CALHM4: variants seen among roughly 807,000 people sequenced by gnomAD.
The protein encoded by CALHM4 is calcium homeostasis modulator protein 4.
In CALHM4, 16 loss-of-function variants were observed where a neutral mutation model predicts 13.3. That is an observed-to-expected ratio of 1.20 (90% CI 0.81 to 1.82). The LOEUF (loss-of-function observed/expected upper bound fraction) is 1.82, where lower values mean the gene tolerates loss of function less well. Among genes scored for constraint, CALHM4 ranks in the 40% most tolerant of loss-of-function variants. The pLI is 0.00. For missense variants in CALHM4, 344 were observed against 374.9 expected (o/e 0.92, Z 0.68); for synonymous variants, 127 against 137.1 (o/e 0.93, Z 0.52).
upstream of CALHM4, among the ~76,000 whole-genome samples, chr6:116,550,928 C>G (rs1267239122): frequency 6.6e-6 from 1 of 152,128 alleles, no homozygotes; most frequent in Non-Finnish European, 1.5e-5. Context: ...GAACCACTTC[C>G]TTATCTAATT....
In CALHM4 at chr6:116,558,497, T is replaced by A. The variant is rs920180755; in HGVS notation, c.*286T>A. 5 of 327,756 alleles carry A rather than the reference T, an allele frequency of 1.5e-5. No individual in the cohort carries two copies. In the East Asian group the frequency reaches 3.1e-4, roughly 20 times the overall value. The allele number at this position is 327,756 out of a possible 1,614,324, so 20.3% of individuals were successfully genotyped here. A position where few individuals can be genotyped will look rare whatever the true frequency, so the allele number is the denominator to read the frequency against. On this transcript the variant is annotated 3_prime_UTR_variant, in exon 2 of 2. Transcript: ENST00000368596. ...CTTAGTAGCTGTGTGAAAATTAATATTTCTGAGTGCCATTTTGTCATCTGC... is the reference window on the plus strand; with the variant it reads ...CTTAGTAGCTGTGTGAAAATTAATAATTCTGAGTGCCATTTTGTCATCTGC...
At chr6:116,555,114 G>A (rs1774252988) in intron 1 of CALHM4, among the ~76,000 whole-genome samples, 1 of 152,138 alleles carries the variant, frequency 6.6e-6, no homozygotes, top group Non-Finnish European at 1.5e-5. Flanking sequence ...TAACCTTAGA[G>A]TTATTACATT....
intron 1 of CALHM4, among the ~76,000 whole-genome samples, chr6:116,542,051 G>A (rs1438280013): frequency 2.0e-5 from 3 of 152,104 alleles, no homozygotes; most frequent in East Asian, 1.9e-4. Context: ...AGTCAAATAA[G>A]TGAGCTTTTT....
At chr6:116,529,606 T>C (rs146632989) in intron 1 of CALHM4, among the ~76,000 whole-genome samples, 155 of 152,216 alleles carry the variant, frequency 1.0e-3, no homozygotes, top group Non-Finnish European at 2.0e-3. Flanking sequence ...CAGAACCCCC[T>C]CTCCATGTCC....
intron 1 of CALHM4, among the ~76,000 whole-genome samples, chr6:116,536,132 T>C (rs762021449): frequency 1.1e-4 from 17 of 152,244 alleles, no homozygotes; most frequent in Non-Finnish European, 1.9e-4. Context: ...AGTTGTACTT[T>C]GAAGTAACTA....
At chr6:116,550,488 A>G (rs1483410291), upstream of CALHM4, among the ~76,000 whole-genome samples, 2 of 152,126 alleles carry the variant, frequency 1.3e-5, no homozygotes, top group African/African-American at 2.4e-5. Context: ...TAATATTAGT[A>G]TCTCATCATA....
upstream of CALHM4, among the ~76,000 whole-genome samples, chr6:116,549,958 A>G (rs1321875822): frequency 2.1e-5 from 3 of 144,360 alleles, no homozygotes; most frequent in East Asian, 6.1e-4. Context: ...ACTGGACGAC[A>G]AGAGCAAAAC....
chr6:116,541,614 C>A (rs1219219197), intron 1 of CALHM4, among the ~76,000 whole-genome samples: 1 of 152,206 alleles, frequency 6.6e-6, no homozygotes, highest in African/African-American at 2.4e-5. Context: ...AGTTTAGCTT[C>A]CTTGACTTTG....
intron 1 of CALHM4, among the ~76,000 whole-genome samples, chr6:116,530,961 A>T: frequency 6.8e-6 from 1 of 146,846 alleles, no homozygotes; most frequent in East Asian, 2.0e-4. Context: ...AATTTCCTAG[A>T]CAAGAAGAAC....
Position 116,558,115 on chromosome 6 carries a change from G to A in CALHM4, c.849G>A (p.Met283Ile), listed in dbSNP as rs575409543. 7 of 1,614,182 alleles carry A rather than the reference G, an allele frequency of 4.3e-6. No homozygotes were observed. The South Asian group carries it at 7.7e-5, about 18-fold the overall frequency. The change falls in exon 2 of 2, where the codon ATG (methionine) becomes ATA (isoleucine). Residue 283 changes from methionine (M) to isoleucine (I), a missense_variant. Transcript: ENST00000368596. ...TTTCAGTACCCACTCTTTTATGCAT[G>A]GGTGATGACTTGCAAGGTCACTATA... ...KDISVPTLLC[M>I]GDDLQGHYSF...
upstream of CALHM4, among the ~76,000 whole-genome samples, chr6:116,549,090 C>A (rs1376862739): frequency 1.3e-5 from 2 of 151,850 alleles, no homozygotes; most frequent in African/African-American, 4.8e-5. Context: ...TTCGAGACCA[C>A]CCTGGCCAAC....
intron 2 of CALHM4, among the ~76,000 whole-genome samples, chr6:116,544,076 C>T (rs146238678): frequency 7.6e-4 from 114 of 149,188 alleles, no homozygotes; most frequent in Non-Finnish European, 4.6e-4. Flanking sequence ...GTCTGCTCAA[C>T]ATATAAGAGC....
chr6:116,547,997 T>C (rs922576307), intron 2 of CALHM4, among the ~76,000 whole-genome samples: 2 of 152,206 alleles, frequency 1.3e-5, no homozygotes, highest in African/African-American at 4.8e-5. Flanking sequence ...TGACATCCGC[T>C]GATCTGTCGG....
chr6:116,539,776 A>G (rs1338317098), intron 1 of CALHM4, among the ~76,000 whole-genome samples: 1 of 152,156 alleles, frequency 6.6e-6, no homozygotes, highest in African/African-American at 2.4e-5. Flanking sequence ...AATTAACAAC[A>G]CTACATTAAT....
In CALHM4 at chr6:116,557,953, A is replaced by G. The variant is rs754603218; in HGVS notation, c.687A>G (p.Arg229=). The G allele has an allele frequency of 1.7e-5, 27 of 1,614,024 alleles. No individual in the cohort carries two copies. The highest frequency in any genetic ancestry group is 2.1e-5 in the Non-Finnish European group (25 of 1,180,032). The change falls in exon 2 of 2, where the codon AGA becomes AGG. Residue 229 remains arginine, a synonymous_variant. Coordinates refer to ENST00000368596, the MANE Select transcript of CALHM4 (RefSeq NM_001366078.2). ...GGACCAGCCACCTCCAGAATGAGAG[A>G]GAACTCTTTGAACAAGCAGCAGAGC... ...CYWTSHLQNE[R]ELFEQAAEQH...
At chr6:116,538,622 A>G (rs1359472735) in intron 1 of CALHM4, among the ~76,000 whole-genome samples, 1 of 152,136 alleles carries the variant, frequency 6.6e-6, no homozygotes, top group East Asian at 1.9e-4. Flanking sequence ...CTAATAAACA[A>G]CCTTAAATAC....
chr6:116,556,880 A>G (rs999991827), intron 1 of CALHM4, among the ~76,000 whole-genome samples: 6 of 152,140 alleles, frequency 3.9e-5, no homozygotes, highest in Non-Finnish European at 7.4e-5. Flanking sequence ...AGGGAAATGA[A>G]AAGGAAAACA....
upstream of CALHM4, among the ~76,000 whole-genome samples, chr6:116,550,025 T>TACAC (rs71554855): frequency 5.1e-4 from 49 of 96,300 alleles, no homozygotes; most frequent in African/African-American, 1.3e-3. Context: ...TATATATATA[T>TACAC]ACACACACAC....
Position 116,558,506 on chromosome 6 carries a change from G to T in CALHM4, c.*295G>T. ...TGTGTGAAAATTAATATTTCTGAGT[G>T]CCATTTTGTCATCTGCACATTGTAG... On this transcript the variant is annotated 3_prime_UTR_variant, in exon 2 of 2. Transcript: ENST00000368596. 3.2e-6 allele frequency: 1 copy of T among 308,538 alleles called. No homozygotes were observed. Among genetic ancestry groups the T allele is most frequent in the Non-Finnish European group, 6.0e-6 (1 of 165,954 alleles). 19.1% of individuals were successfully genotyped at this position (308,538 alleles called of 1,614,324 possible). A position where few individuals can be genotyped will look rare whatever the true frequency, so the allele number is the denominator to read the frequency against.
Sources: gnomAD v4.1 joint callset for allele counts (sites outside exome capture counted in the v4.1 genomes callset) on GRCh38, gnomAD v4.1.1 for gene constraint, MANE v1.5 for transcripts, NCBI Gene and HGNC (gene_info 2026-07-23, HGNC 2026-07-21) for gene names.